Variants in FGF12 observed in about 807,000 individuals in gnomAD.
FGF12 encodes the protein fibroblast growth factor 12B.
A neutral mutation model predicts 23.6 loss-of-function variants in FGF12; 14 were observed. The ratio of observed to expected loss-of-function variants is 0.59; its 90% confidence interval spans 0.39 to 0.93. The LOEUF (loss-of-function observed/expected upper bound fraction) is 0.93. FGF12 is among the 40% of genes least tolerant of loss of function. The probability of loss-of-function intolerance (pLI) is 0.00; values close to 1 mark genes in which losing one functional copy is unlikely to be tolerated. For missense variants in FGF12, 175 were observed against 217.8 expected, an observed-to-expected ratio of 0.80 and a Z score of 1.24; for synonymous variants, 62 against 77.3, an observed-to-expected ratio of 0.80 and a Z score of 1.04.
intron 5 of FGF12, among the ~76,000 whole-genome samples, chr3:192,167,594 G>C (rs536073096): frequency 9.9e-5 from 15 of 151,164 alleles, no homozygotes; most frequent in South Asian, 8.4e-4. Context: ...ATATGAGTTT[G>C]TGTTGTGTGA....
chr3:192,438,150 C>T (rs931260149), intron 2 of FGF12, among the ~76,000 whole-genome samples: 1 of 152,160 alleles, frequency 6.6e-6, no homozygotes, highest in Non-Finnish European at 1.5e-5. Context: ...CATTTTCACC[C>T]GTTGATGAGA....
At chr3:192,535,285 A>G (rs1725197904) in intron 2 of FGF12, among the ~76,000 whole-genome samples, 1 of 152,140 alleles carries the variant, frequency 6.6e-6, no homozygotes, top group Admixed American at 6.6e-5. Flanking sequence ...CCATCCATCC[A>G]CCTAGTCTTT....
chr3:192,319,178 G>A (rs982427095), intron 4 of FGF12, among the ~76,000 whole-genome samples: 4 of 152,200 alleles, frequency 2.6e-5, no homozygotes, highest in African/African-American at 9.6e-5. Context: ...GAAACCATCT[G>A]AGGGCAAAAA....
chr3:192,680,384 G>A (rs1717479578), intron 2 of FGF12, among the ~76,000 whole-genome samples: 1 of 152,210 alleles, frequency 6.6e-6, no homozygotes, highest in South Asian at 2.1e-4. Context: ...CAAGGAGCTG[G>A]AAGAGCTATA....
At chr3:192,282,848 T>C (rs1161532683) in intron 4 of FGF12, 3 of 152,142 alleles carry the variant, frequency 2.0e-5, no homozygotes, top group South Asian at 2.1e-4. Context: ...ATACTATAAA[T>C]AAGGCACCAG....
intron 2 of FGF12, among the ~76,000 whole-genome samples, chr3:192,512,397 C>A (rs1724505148): frequency 6.6e-6 from 1 of 151,912 alleles, no homozygotes; most frequent in Non-Finnish European, 1.5e-5. Context: ...ATAAAAGGAC[C>A]TAAAATATAC....
intron 2 of FGF12, among the ~76,000 whole-genome samples, chr3:192,578,629 T>C (rs773512583): frequency 6.6e-6 from 1 of 152,212 alleles, no homozygotes; most frequent in Non-Finnish European, 1.5e-5. Flanking sequence ...AGCCAAGTAA[T>C]AGATATTCTT....
chr3:192,290,382 A>G (rs1577323700), intron 4 of FGF12, among the ~76,000 whole-genome samples: 1 of 152,290 alleles, frequency 6.6e-6, no homozygotes, highest in East Asian at 1.9e-4. Context: ...TCGTATCCCT[A>G]TGATAAAGTA....
intron 2 of FGF12, among the ~76,000 whole-genome samples, chr3:192,529,759 A>C (rs1725042123): frequency 6.6e-6 from 1 of 152,116 alleles, no homozygotes; most frequent in Non-Finnish European, 1.5e-5. Flanking sequence ...TTGTGCAGGG[A>C]AACTCCCCCT....
intron 4 of FGF12, among the ~76,000 whole-genome samples, chr3:192,260,192 T>C (rs1262598485): frequency 6.6e-6 from 1 of 152,170 alleles, no homozygotes; most frequent in East Asian, 1.9e-4. Flanking sequence ...CAAAACCTTC[T>C]GACTTGACAA....
chr3:192,575,077 T>C (rs1400786253), intron 2 of FGF12, among the ~76,000 whole-genome samples: 1 of 152,210 alleles, frequency 6.6e-6, no homozygotes, highest in Non-Finnish European at 1.5e-5. Flanking sequence ...GAACTATTAT[T>C]ATATATAACA....
intron 2 of FGF12, among the ~76,000 whole-genome samples, chr3:192,683,538 A>G (rs1717620515): frequency 6.6e-6 from 1 of 152,182 alleles, no homozygotes; most frequent in Admixed American, 6.5e-5. Flanking sequence ...AAGATGTCAA[A>G]GAGGACACAC....
intron 2 of FGF12, among the ~76,000 whole-genome samples, chr3:192,472,531 A>G (rs955059411): frequency 6.6e-6 from 1 of 152,062 alleles, no homozygotes; most frequent in Admixed American, 6.5e-5. Flanking sequence ...CTTCTGCTAG[A>G]GTCCAAAGGT....
chr3:192,710,261 T>G (rs986675156), intron 2 of FGF12, among the ~76,000 whole-genome samples: 1 of 152,210 alleles, frequency 6.6e-6, no homozygotes, highest in Admixed American at 6.5e-5. Context: ...TGGATGTAAG[T>G]ATTTAGTATT....
intron 2 of FGF12, among the ~76,000 whole-genome samples, chr3:192,536,083 A>C (rs1725215968): frequency 6.6e-6 from 1 of 152,182 alleles, no homozygotes; most frequent in Non-Finnish European, 1.5e-5. Flanking sequence ...ATTACTCTAC[A>C]CGGCTATTTC....
At chr3:192,598,268 G>T (rs921362871) in intron 2 of FGF12, among the ~76,000 whole-genome samples, 1 of 152,150 alleles carries the variant, frequency 6.6e-6, no homozygotes, top group Non-Finnish European at 1.5e-5. Flanking sequence ...AAGAGAAAAA[G>T]AAATTGCATT....
intron 4 of FGF12, among the ~76,000 whole-genome samples, chr3:192,292,959 T>C (rs2108651380): frequency 6.6e-6 from 1 of 152,180 alleles, no homozygotes; most frequent in East Asian, 1.9e-4. Flanking sequence ...TTTTTTATTT[T>C]TTTAAGATGG....
chr3:192,502,116 A>G (rs1255579805), intron 2 of FGF12, among the ~76,000 whole-genome samples: 1 of 152,140 alleles, frequency 6.6e-6, no homozygotes, highest in African/African-American at 2.4e-5. Context: ...TGTCCTAGAA[A>G]TTACTTTGTT....
chr3:192,181,611 A>G (rs1284779359), intron 4 of FGF12, among the ~76,000 whole-genome samples: 2 of 151,772 alleles, frequency 1.3e-5, no homozygotes, highest in Non-Finnish European at 2.9e-5. Context: ...TAGATGTTAA[A>G]ATTAAGAGAA....
Sources: gnomAD v4.1 joint callset for allele counts (sites outside exome capture counted in the v4.1 genomes callset) on GRCh38, gnomAD v4.1.1 for gene constraint, MANE v1.5 for transcripts, NCBI Gene and HGNC (gene_info 2026-07-23, HGNC 2026-07-21) for gene names.